Variants in ZNF609 observed in about 807,000 individuals in gnomAD.
ZNF609 encodes the protein zinc finger protein 609.
A neutral mutation model predicts 109.5 loss-of-function variants in ZNF609; 11 were observed. That is an observed-to-expected ratio of 0.10 (90% confidence interval 0.06 to 0.17). The LOEUF is 0.17. Among genes scored for constraint, ZNF609 ranks in the 10% least tolerant of loss-of-function variants. The pLI is 1.00. For synonymous variants in ZNF609, 646 were observed against 662.0 expected (o/e 0.98, Z 0.37); for missense variants, 1,559 against 1,772.4 (o/e 0.88, Z 2.16).
At chr15:64,510,132 A>G (rs996705275) in intron 2 of ZNF609, among the ~76,000 whole-genome samples, 3 of 152,260 alleles carry the variant, frequency 2.0e-5, no homozygotes, top group African/African-American at 7.2e-5. Flanking sequence ...GTACAGTACA[A>G]TATTTTGATA....
intron 1 of ZNF609, among the ~76,000 whole-genome samples, chr15:64,464,834 G>A (rs548713599): frequency 2.0e-5 from 3 of 152,180 alleles, no homozygotes; most frequent in South Asian, 4.1e-4. Context: ...GCTGAAGAGG[G>A]ATTACTGAGC....
In ZNF609 at chr15:64,672,923, C is replaced by T. The variant is rs534648183; in HGVS notation, c.1062-993C>T. 1.2e-4 allele frequency among the ~76,000 whole-genome samples: 18 copies of T among 149,200 alleles called. No individual in the cohort carries two copies. In the South Asian group the frequency reaches 3.8e-3, roughly 31 times the overall value. On this transcript the variant is annotated intron_variant, in intron 4 of 9. Coordinates refer to ENST00000326648, the MANE Select transcript of ZNF609 (RefSeq NM_015042.2). ...AGGTTACAGTGAGCCGAGATCGTGC[C>T]ACTGCGCTCCAGCCTGGCGACAGAG...
chr15:64,493,446 T>C, intron 1 of ZNF609, among the ~76,000 whole-genome samples: 1 of 152,150 alleles, frequency 6.6e-6, no homozygotes, highest in East Asian at 1.9e-4. Flanking sequence ...GTCAAAGAGA[T>C]GGATGTTATT....
chr15:64,550,839 GAA>G (rs35566414), intron 2 of ZNF609, among the ~76,000 whole-genome samples: 26 of 75,318 alleles, frequency 3.5e-4, no homozygotes, highest in South Asian at 1.0e-3. Context: ...TCTGTCTCGG[GAA>G]AAAAAAAAAA....
chr15:64,640,082 G>T (rs1193353901), intron 3 of ZNF609, among the ~76,000 whole-genome samples: 1 of 151,640 alleles, frequency 6.6e-6, no homozygotes, highest in East Asian at 1.9e-4. Flanking sequence ...ACCACACCCA[G>T]CTAATTGTTG....
intron 2 of ZNF609, among the ~76,000 whole-genome samples, chr15:64,523,780 G>A (rs1168223304): frequency 2.0e-5 from 3 of 151,416 alleles, no homozygotes. Context: ...AAAAAGAAAA[G>A]AAAATCTTCT....
At chr15:64,672,326 T>C (rs995766435) in intron 4 of ZNF609, among the ~76,000 whole-genome samples, 1 of 149,958 alleles carries the variant, frequency 6.7e-6, no homozygotes, top group Non-Finnish European at 1.5e-5. Context: ...GCTTAGACTT[T>C]TATAAGACTA....
chr15:64,577,358 C>CACAAATATATACAT (rs1895005716), intron 2 of ZNF609, among the ~76,000 whole-genome samples: 5 of 16,406 alleles, frequency 3.0e-4, no homozygotes, highest in African/African-American at 5.4e-4. Context: ...TATATATACA[C>CACAAATATATACAT]ATATATGTAT....
chr15:64,682,019 C>T lies in ZNF609; in HGVS notation c.*333C>T, dbSNP rs1353021831. The T allele has an allele frequency of 6.5e-6, 1 of 152,956 alleles. No homozygotes were observed. Among genetic ancestry groups the T allele is most frequent in the African/African-American group, 2.4e-5 (1 of 41,448 alleles). 9.5% of individuals were successfully genotyped at this position (152,956 alleles called of 1,614,324 possible). ...GCCTCAGCCCAGAGAAGCCACTGCTCTGTTCCCCAAGCCCTTGGTCTGCTG... is the reference window on the plus strand; with the variant it reads ...GCCTCAGCCCAGAGAAGCCACTGCTTTGTTCCCCAAGCCCTTGGTCTGCTG... On this transcript the variant is annotated 3_prime_UTR_variant, in exon 10 of 10. Transcript: ENST00000326648.
intron 2 of ZNF609, among the ~76,000 whole-genome samples, chr15:64,559,976 C>T (rs145970252): frequency 2.0e-5 from 3 of 152,160 alleles, no homozygotes; most frequent in Non-Finnish European, 4.4e-5. Context: ...GTAGCTACAT[C>T]TTAATCAGAT....
intron 1 of ZNF609, chr15:64,470,195 C>A (rs1316068074): frequency 6.6e-6 from 1 of 152,152 alleles, no homozygotes; most frequent in Non-Finnish European, 1.5e-5. Context: ...CAAAAGTGTG[C>A]CACCATGCTT....
intron 1 of ZNF609, among the ~76,000 whole-genome samples, chr15:64,487,465 T>C (rs1323420756): frequency 6.6e-6 from 1 of 152,198 alleles, no homozygotes; most frequent in Non-Finnish European, 1.5e-5. Context: ...TGTATACAGA[T>C]ATGTAACCAC....
At chr15:64,472,341 C>T (rs1893102892) in intron 1 of ZNF609, among the ~76,000 whole-genome samples, 1 of 152,220 alleles carries the variant, frequency 6.6e-6, no homozygotes, top group Non-Finnish European at 1.5e-5. Context: ...CCAGATGAGG[C>T]AGTTAGTCCA....
intron 1 of ZNF609, among the ~76,000 whole-genome samples, chr15:64,467,509 G>A (rs1338152785): frequency 6.6e-6 from 1 of 152,184 alleles, no homozygotes. Flanking sequence ...TGAAAACACA[G>A]GACATAAATT....
chr15:64,626,334 G>C (rs1334628613), intron 3 of ZNF609, among the ~76,000 whole-genome samples: 2 of 152,156 alleles, frequency 1.3e-5, no homozygotes, highest in Non-Finnish European at 2.9e-5. Context: ...TCAGGTAACA[G>C]AGATTTCCTG....
At chr15:64,664,775 AC>A (rs1896624914) in intron 3 of ZNF609, among the ~76,000 whole-genome samples, 1 of 152,088 alleles carries the variant, frequency 6.6e-6, no homozygotes, top group South Asian at 2.1e-4. Context: ...CATTTCCAGC[AC>A]CTTGTTTGAC....
chr15:64,665,776 C>A (rs1235775401), intron 3 of ZNF609, among the ~76,000 whole-genome samples: 2 of 151,986 alleles, frequency 1.3e-5, no homozygotes, highest in East Asian at 3.9e-4. Flanking sequence ...CGTGGTGGTA[C>A]ATGCCTGTAA....
chr15:64,580,640 G>A (rs551631866), intron 2 of ZNF609, among the ~76,000 whole-genome samples: 14 of 150,676 alleles, frequency 9.3e-5, no homozygotes, highest in Non-Finnish European at 1.5e-4. Context: ...CTCCTGGGTT[G>A]AAGTGATTCT....
chr15:64,541,207 C>T (rs1894252727), intron 2 of ZNF609, among the ~76,000 whole-genome samples: 1 of 151,210 alleles, frequency 6.6e-6, no homozygotes, highest in South Asian at 2.1e-4. Context: ...GCCGGCGGAT[C>T]ACGAGGTCAG....
Sources: allele counts gnomAD v4.1 joint callset (sites outside exome capture counted in the v4.1 genomes callset), GRCh38; gene constraint gnomAD v4.1.1; transcripts MANE v1.5; gene names NCBI Gene and HGNC (gene_info 2026-07-23, HGNC 2026-07-21).